The following PRKCE variants were observed in gnomAD, a reference collection of about 807,000 sequenced individuals.
PRKCE encodes the protein protein kinase C epsilon.
PRKCE carries 16 observed loss-of-function variants against 85.4 expected under a neutral mutation model. That is an observed-to-expected ratio of 0.19 (90% CI 0.13 to 0.28). PRKCE has a LOEUF of 0.28. PRKCE is among the 10% of genes least tolerant of loss of function. The pLI is 1.00. For missense variants in PRKCE, 573 were observed against 975.2 expected, an observed-to-expected ratio of 0.59 and a Z score of 5.49; for synonymous variants, 388 against 371.5, an observed-to-expected ratio of 1.04 and a Z score of -0.51.
intron 2 of PRKCE, among the ~76,000 whole-genome samples, chr2:45,944,158 G>A (rs572207677): frequency 8.5e-5 from 13 of 152,286 alleles, no homozygotes; most frequent in Non-Finnish European, 1.2e-4. Context: ...TTTTAGGCCC[G>A]AATCACTTCG....
At chr2:45,760,001 AT>A (rs1217947132) in intron 1 of PRKCE, among the ~76,000 whole-genome samples, 1 of 152,218 alleles carries the variant, frequency 6.6e-6, no homozygotes, top group African/African-American at 2.4e-5. Flanking sequence ...AGGAGGGACA[AT>A]ACCTATGCAC....
chr2:45,771,835 G>A (rs1188968192), intron 1 of PRKCE, among the ~76,000 whole-genome samples: 5 of 151,914 alleles, frequency 3.3e-5, no homozygotes, highest in Admixed American at 2.0e-4. Context: ...TATTTCCCTG[G>A]GGTCCCAAGT....
chr2:45,746,943 G>C (rs1683186407), intron 1 of PRKCE, among the ~76,000 whole-genome samples: 2 of 152,070 alleles, frequency 1.3e-5, no homozygotes, highest in Admixed American at 1.3e-4. Context: ...CTAGCCTCTT[G>C]CTACCTTTCA....
chr2:45,891,523 C>T (rs1695720446), intron 2 of PRKCE, among the ~76,000 whole-genome samples: 1 of 152,148 alleles, frequency 6.6e-6, no homozygotes, highest in Non-Finnish European at 1.5e-5. Context: ...TCCTTTTCAC[C>T]CCGTCAAGTT....
At chr2:45,852,442 C>G (rs74915698) in intron 2 of PRKCE, among the ~76,000 whole-genome samples, 1 of 152,132 alleles carries the variant, frequency 6.6e-6, no homozygotes, top group East Asian at 1.9e-4. Flanking sequence ...CTTGATTGAC[C>G]GATTCATTCA....
chr2:46,097,449 G>A (rs1363871605), intron 11 of PRKCE, among the ~76,000 whole-genome samples: 2 of 150,272 alleles, frequency 1.3e-5, no homozygotes, highest in Non-Finnish European at 3.0e-5. Context: ...GAACCTGGGA[G>A]GCGGAGCTTG....
At chr2:45,978,915 GT>G in intron 3 of PRKCE, 60 bp from the exon 4 acceptor site, 1 of 1,538,790 alleles carries the variant, frequency 6.5e-7, no homozygotes, top group Non-Finnish European at 8.9e-7. Context: ...TGGTTTTTCT[GT>G]TTGTTTTTTG....
intron 1 of PRKCE, among the ~76,000 whole-genome samples, chr2:45,833,554 G>T (rs143555872): frequency 2.0e-5 from 3 of 152,292 alleles, no homozygotes; most frequent in African/African-American, 7.2e-5. Flanking sequence ...TCTGAAGCAG[G>T]TCCTGCTGAC....
At chr2:45,826,324 G>A (rs1425482121) in intron 1 of PRKCE, among the ~76,000 whole-genome samples, 1 of 152,156 alleles carries the variant, frequency 6.6e-6, no homozygotes, top group Non-Finnish European at 1.5e-5. Flanking sequence ...TATGTTACAT[G>A]ACATTCCCAC....
chr2:45,785,741 G>A (rs1488557245), intron 1 of PRKCE, among the ~76,000 whole-genome samples: 2 of 152,100 alleles, frequency 1.3e-5, no homozygotes, highest in African/African-American at 2.4e-5. Context: ...CAGAGCCAGT[G>A]GCACTGAGAG....
intron 10 of PRKCE, among the ~76,000 whole-genome samples, chr2:46,011,932 T>C (rs1303272660): frequency 6.6e-6 from 1 of 152,188 alleles, no homozygotes; most frequent in Non-Finnish European, 1.5e-5. Flanking sequence ...TGGACACATA[T>C]TTCTTTGTCT....
intron 2 of PRKCE, among the ~76,000 whole-genome samples, chr2:45,896,598 C>G (rs1462610943): frequency 6.6e-6 from 1 of 152,124 alleles, no homozygotes; most frequent in Non-Finnish European, 1.5e-5. Context: ...ACTTACAAGA[C>G]AAAAGGCAAT....
At chr2:45,660,079 A>T (rs937997702) in intron 1 of PRKCE, among the ~76,000 whole-genome samples, 3 of 152,242 alleles carry the variant, frequency 2.0e-5, no homozygotes, top group Non-Finnish European at 4.4e-5. Context: ...TGAATGAATG[A>T]ACACAAAACA....
At chr2:46,151,310 CACACA>C in intron 13 of PRKCE, 81 bp downstream of exon 13, 1 of 1,165,396 alleles carries the variant, frequency 8.6e-7, no homozygotes, top group Admixed American at 1.9e-5. Flanking sequence ...CACACACACA[CACACA>C]CACACACACT....
intron 1 of PRKCE, among the ~76,000 whole-genome samples, chr2:45,766,381 A>T (rs572780504): frequency 6.6e-6 from 1 of 152,248 alleles, no homozygotes; most frequent in South Asian, 2.1e-4. Flanking sequence ...TACTTTCTCA[A>T]TCCAGTAAGA....
chr2:46,037,934 A>G (rs1042411754), intron 10 of PRKCE, among the ~76,000 whole-genome samples: 1 of 152,166 alleles, frequency 6.6e-6, no homozygotes, highest in Non-Finnish European at 1.5e-5. Flanking sequence ...TATTTTCTTT[A>G]TCTTAAAAAC....
Position 45,923,402 on chromosome 2 carries a change from A to T in PRKCE, c.413-53027A>T, listed in dbSNP as rs534804848. Among the ~76,000 whole-genome samples, 11 of 152,340 alleles carry T rather than the reference A, an allele frequency of 7.2e-5. No homozygotes were observed. The South Asian group carries it at 2.3e-3, about 32-fold the overall frequency. On this transcript the variant is annotated intron_variant, in intron 2 of 14. Coordinates refer to ENST00000306156, the MANE Select transcript of PRKCE (RefSeq NM_005400.3). Reference sequence around the variant, plus strand: ...GGAGAAGCCATCAGCCAACTGCCTGAGGCTCACAGGGTAGGGTCTGAATTT... The same window carrying T: ...GGAGAAGCCATCAGCCAACTGCCTGTGGCTCACAGGGTAGGGTCTGAATTT...
At chr2:45,811,907 G>A (rs780472649) in intron 1 of PRKCE, among the ~76,000 whole-genome samples, 10 of 152,130 alleles carry the variant, frequency 6.6e-5, no homozygotes, top group Middle Eastern at 6.8e-3. Context: ...ACCTCCATGC[G>A]TACACACAGA....
At chr2:46,090,736 G>C (rs1043248029) in intron 11 of PRKCE, among the ~76,000 whole-genome samples, 1 of 145,026 alleles carries the variant, frequency 6.9e-6, no homozygotes, top group Admixed American at 6.8e-5. Flanking sequence ...TGCTGCCTTT[G>C]TATCAAGCTG....
Sources: gnomAD v4.1 joint callset for allele counts (sites outside exome capture counted in the v4.1 genomes callset) on GRCh38, gnomAD v4.1.1 for gene constraint, MANE v1.5 for transcripts, NCBI Gene and HGNC (gene_info 2026-07-23, HGNC 2026-07-21) for gene names.